PRELID2: variants seen among roughly 807,000 people sequenced by gnomAD.
PRELID2 encodes the protein PRELI domain containing 2.
Under a neutral mutation model 28.4 loss-of-function variants are expected in PRELID2, and 25 were observed. The observed-to-expected ratio is 0.88, with a 90% CI of 0.64 to 1.23. The LOEUF is 1.23. PRELID2 is among the 50% of genes most tolerant of loss of function. The pLI, the probability that PRELID2 is intolerant of heterozygous loss-of-function variation, is 0.00. For synonymous variants in PRELID2, 76 were observed against 71.6 expected (o/e 1.06, Z -0.31); for missense variants, 201 against 214.4 (o/e 0.94, Z 0.39).
the PRELID2 span, chr5:145,230,071 G>A: frequency 4.5e-6 from 3 of 662,346 alleles, no homozygotes; most frequent in Admixed American, 3.8e-5. Flanking sequence ...GTACCATGAG[G>A]AGCTGGGGCC....
chr5:145,367,942 T>A, the PRELID2 span, among the ~76,000 whole-genome samples: 1 of 151,940 alleles, frequency 6.6e-6, no homozygotes, highest in African/African-American at 2.4e-5. Flanking sequence ...CTTCTTTGGG[T>A]AAATAATAAG....
chr5:145,358,283 G>T, the PRELID2 span, among the ~76,000 whole-genome samples: 3 of 152,152 alleles, frequency 2.0e-5, no homozygotes, highest in African/African-American at 7.2e-5. Flanking sequence ...GGATGGAGTT[G>T]TTCACCTTGT....
rs754531732 is a variant in PRELID2 at position 145,835,213 on chromosome 5, G to A, written c.39C>T (p.Tyr13=). 46 of 1,550,430 alleles carry A rather than the reference G, an allele frequency of 3.0e-5. No individual in the cohort carries two copies. Among genetic ancestry groups the A allele is most frequent in the Admixed American group, 1.6e-4 (8 of 50,984 alleles). The change falls in exon 1 of 7, where the codon TAC becomes TAT. Residue 13 remains tyrosine (Y), a synonymous_variant. Transcript: ENST00000683046. The stretch of plus-strand genomic sequence containing the variant: ...AGCTGGCGACCACCTGCTCGAAGGG[G>A]TACTTGTACACCTGGTGCACATCCA... ...VSVDVHQVYK[Y]PFEQVVASFL... is the part of the protein sequence containing the mutation.
chr5:145,236,086 G>A, the PRELID2 span, among the ~76,000 whole-genome samples: 1 of 152,124 alleles, frequency 6.6e-6, no homozygotes, highest in Non-Finnish European at 1.5e-5. Context: ...TGGCATTGAG[G>A]AAGAATCCTG....
the PRELID2 span, among the ~76,000 whole-genome samples, chr5:145,280,996 A>T: frequency 6.6e-6 from 1 of 152,110 alleles, no homozygotes; most frequent in Admixed American, 6.6e-5. Context: ...CAGTATCTAG[A>T]TGCTCAAATG....
chr5:145,400,474 T>C, the PRELID2 span, among the ~76,000 whole-genome samples: 1 of 152,094 alleles, frequency 6.6e-6, no homozygotes, highest in Non-Finnish European at 1.5e-5. Flanking sequence ...GTGCATTTAA[T>C]GTTCCTACAG....
the PRELID2 span, among the ~76,000 whole-genome samples, chr5:145,285,987 T>A: frequency 6.6e-6 from 1 of 152,194 alleles, no homozygotes; most frequent in African/African-American, 2.4e-5. Context: ...GATTTCAAAA[T>A]AAATTTGATT....
chr5:145,516,131 T>A (rs1752514557), intron 1 of PRELID2, among the ~76,000 whole-genome samples: 1 of 152,166 alleles, frequency 6.6e-6, no homozygotes, highest in Admixed American at 6.5e-5. Flanking sequence ...GTATTGGAAG[T>A]TCTGTCCAGG....
At chr5:145,459,315 T>G in the PRELID2 span, among the ~76,000 whole-genome samples, 1 of 152,360 alleles carries the variant, frequency 6.6e-6, no homozygotes, top group Middle Eastern at 3.4e-3. Flanking sequence ...CTCTAGATGC[T>G]ACATCATAAC....
chr5:145,268,813 A>G, the PRELID2 span, among the ~76,000 whole-genome samples: 1 of 152,188 alleles, frequency 6.6e-6, no homozygotes, highest in Non-Finnish European at 1.5e-5. Flanking sequence ...CTCAAAAAAT[A>G]TTACTAGGTC....
At chr5:145,376,899 C>G in the PRELID2 span, among the ~76,000 whole-genome samples, 7 of 151,812 alleles carry the variant, frequency 4.6e-5, no homozygotes, top group Non-Finnish European at 7.4e-5. Context: ...TAGTTCGTCT[C>G]TGATTTTGGT....
At chr5:145,335,444 TG>T in the PRELID2 span, among the ~76,000 whole-genome samples, 4,054 of 152,198 alleles carry the variant, frequency 0.027, 96 homozygotes, top group Non-Finnish European at 0.042. Flanking sequence ...TGAAAGTCTT[TG>T]TCAGGTACTT....
intron 1 of PRELID2, among the ~76,000 whole-genome samples, chr5:145,640,613 C>T (rs1295517227): frequency 1.3e-5 from 2 of 148,212 alleles, no homozygotes; most frequent in African/African-American, 5.0e-5. Flanking sequence ...CACTGCACCC[C>T]AGCCTGGGCT....
chr5:145,738,567 C>T lies in PRELID2; in HGVS notation n.70+26364G>A, dbSNP rs576636286. On this transcript the variant is annotated intron_variant and non_coding_transcript_variant, in intron 1 of 2. Transcript: ENST00000510259. ...TTAAAAATGCAAGAGATGGGCTGAA[C>T]ATCAGAATGGGGAAAGGAAAGAATT... Among the ~76,000 whole-genome samples the T allele has an allele frequency of 5.9e-5, 9 of 151,812 alleles. No homozygotes were observed. The South Asian group carries it at 1.7e-3, about 28-fold the overall frequency.
chr5:145,668,454 AG>A (rs1754640830), intron 1 of PRELID2, among the ~76,000 whole-genome samples: 1 of 151,896 alleles, frequency 6.6e-6, no homozygotes, highest in Non-Finnish European at 1.5e-5. Flanking sequence ...TTAAAAAAAA[AG>A]GCAGTATAGC....
At position 145,624,196 on chromosome 5, in the gene PRELID2, T is replaced by C. The variant is rs78672272; in HGVS notation, n.70+140735A>G. Among the ~76,000 whole-genome samples the C allele has an allele frequency of 1.3e-3, 195 of 152,324 alleles. 2 individuals are homozygous for C. Among genetic ancestry groups the C allele is most frequent in the African/African-American group, 4.6e-3 (191 of 41,574 alleles). ...AGAGCATACCACCTTCCCAGAACCT[T>C]GATATGTTCACCAACTCAGAAAGTC... On this transcript the variant is annotated intron_variant and non_coding_transcript_variant, in intron 1 of 2. Transcript: ENST00000510259.
At chr5:145,318,832 C>T in the PRELID2 span, among the ~76,000 whole-genome samples, 1 of 152,274 alleles carries the variant, frequency 6.6e-6, no homozygotes, top group Non-Finnish European at 1.5e-5. Context: ...TCCTGTCTGG[C>T]ATCCAGGGAA....
chr5:145,684,912 T>C (rs1287179275), intron 1 of PRELID2, among the ~76,000 whole-genome samples: 4 of 152,144 alleles, frequency 2.6e-5, no homozygotes, highest in African/African-American at 7.2e-5. Flanking sequence ...AAACTGAAGA[T>C]GGAAGGAGGC....
chr5:145,328,297 C>T, the PRELID2 span, among the ~76,000 whole-genome samples: 1 of 152,098 alleles, frequency 6.6e-6, no homozygotes, highest in Admixed American at 6.5e-5. Flanking sequence ...TTGGTATATA[C>T]CCAATAATGG....
Sources: allele counts gnomAD v4.1 joint callset (sites outside exome capture counted in the v4.1 genomes callset), GRCh38; gene constraint gnomAD v4.1.1; transcripts MANE v1.5; gene names NCBI Gene and HGNC (gene_info 2026-07-23, HGNC 2026-07-21).